The following FGGY variants were observed in gnomAD, a reference collection of about 807,000 sequenced individuals.
FGGY encodes the protein FGGY carbohydrate kinase domain containing.
A neutral mutation model predicts 71.3 loss-of-function variants in FGGY; 72 were observed. The ratio of observed to expected loss-of-function variants is 1.01; its 90% CI spans 0.84 to 1.23. The LOEUF (loss-of-function observed/expected upper bound fraction) is 1.23. Ranked by LOEUF, FGGY falls within the 50% of genes most tolerant of loss-of-function variation. The pLI is 0.00. For synonymous variants in FGGY, 251 were observed against 250.3 expected (o/e 1.00, Z -0.02); for missense variants, 668 against 682.3 (o/e 0.98, Z 0.23).
intron 6 of FGGY, among the ~76,000 whole-genome samples, chr1:59,484,287 T>C (rs1310175952): frequency 1.3e-5 from 2 of 152,148 alleles, no homozygotes; most frequent in Non-Finnish European, 2.9e-5. Flanking sequence ...GGCTTCCTGG[T>C]TTTCTGACTC....
At chr1:59,736,633 G>A (rs1205537742) in intron 14 of FGGY, among the ~76,000 whole-genome samples, 3 of 152,326 alleles carry the variant, frequency 2.0e-5, no homozygotes, top group Admixed American at 2.0e-4. Context: ...AGATGATTTA[G>A]GGTATCTGGC....
At chr1:59,505,249 A>C (rs1169181007) in intron 6 of FGGY, among the ~76,000 whole-genome samples, 6 of 152,234 alleles carry the variant, frequency 3.9e-5, no homozygotes, top group Admixed American at 2.6e-4. Flanking sequence ...ACTAGAAAGT[A>C]AGCTACTTGA....
At chr1:59,486,460 G>A (rs2093661605) in intron 6 of FGGY, among the ~76,000 whole-genome samples, 2 of 152,166 alleles carry the variant, frequency 1.3e-5, no homozygotes, top group South Asian at 2.1e-4. Flanking sequence ...GTTCATGTTG[G>A]TTGTGCCAGT....
chr1:59,458,391 T>C (rs2091911225), intron 6 of FGGY, among the ~76,000 whole-genome samples: 1 of 152,170 alleles, frequency 6.6e-6, no homozygotes, highest in Non-Finnish European at 1.5e-5. Context: ...GATTAAAATA[T>C]TGAGATGCTT....
intron 14 of FGGY, among the ~76,000 whole-genome samples, chr1:59,733,746 A>C (rs2098071482): frequency 6.6e-6 from 1 of 152,200 alleles, no homozygotes; most frequent in African/African-American, 2.4e-5. Context: ...GAGATCTAAA[A>C]ACAGGAGCTC....
chr1:59,410,951 C>G (rs567047519), intron 5 of FGGY, among the ~76,000 whole-genome samples: 4 of 152,254 alleles, frequency 2.6e-5, no homozygotes, highest in African/African-American at 9.6e-5. Context: ...TCTTCCCATC[C>G]CAACTTCTTT....
chr1:59,593,735 T>A (rs2096485739), intron 8 of FGGY, among the ~76,000 whole-genome samples: 1 of 152,218 alleles, frequency 6.6e-6, no homozygotes, highest in South Asian at 2.1e-4. Flanking sequence ...GCATTAACTG[T>A]TAGATATCCC....
chr1:59,620,311 A>T (rs914851324), intron 9 of FGGY, among the ~76,000 whole-genome samples: 1 of 151,954 alleles, frequency 6.6e-6, no homozygotes, highest in Admixed American at 6.6e-5. Flanking sequence ...CCTCCAAAAT[A>T]TGTTGCCAAT....
intron 14 of FGGY, among the ~76,000 whole-genome samples, chr1:59,744,324 G>A (rs992607154): frequency 1.3e-5 from 2 of 152,150 alleles, no homozygotes; most frequent in African/African-American, 4.8e-5. Context: ...GGATTCAAGC[G>A]ATTCTCCTGC....
At chr1:59,422,687 G>T (rs1488173034) in intron 5 of FGGY, among the ~76,000 whole-genome samples, 1 of 145,476 alleles carries the variant, frequency 6.9e-6, no homozygotes, top group Non-Finnish European at 1.5e-5. Context: ...GCGAGACCCT[G>T]TCTCAAAGGA....
At chr1:59,481,926 C>T (rs2093486889) in intron 6 of FGGY, among the ~76,000 whole-genome samples, 2 of 151,998 alleles carry the variant, frequency 1.3e-5, no homozygotes, top group Admixed American at 6.6e-5. Flanking sequence ...TTATAAAAAC[C>T]GACATGAAAA....
At chr1:59,515,908 G>A (rs140168169) in intron 7 of FGGY, among the ~76,000 whole-genome samples, 19 of 152,236 alleles carry the variant, frequency 1.2e-4, no homozygotes, top group African/African-American at 4.3e-4. Context: ...TTTGTTAGTG[G>A]AAAGATAGAA....
intron 7 of FGGY, among the ~76,000 whole-genome samples, chr1:59,541,515 T>C (rs999648885): frequency 6.6e-6 from 1 of 151,842 alleles, no homozygotes; most frequent in Non-Finnish European, 1.5e-5. Context: ...CTGAAGGGAG[T>C]CTGGGGAGTT....
intron 7 of FGGY, among the ~76,000 whole-genome samples, chr1:59,528,413 G>A (rs148406777): frequency 2.6e-5 from 4 of 152,314 alleles, no homozygotes; most frequent in Non-Finnish European, 5.9e-5. Flanking sequence ...TGAACAGAGA[G>A]AACCTTGGTC....
chr1:59,418,431 A>G (rs2064843568), intron 5 of FGGY, among the ~76,000 whole-genome samples: 2 of 152,118 alleles, frequency 1.3e-5, no homozygotes, highest in South Asian at 4.1e-4. Flanking sequence ...TGTTTTGTCC[A>G]AAGAGGATTG....
intron 14 of FGGY, among the ~76,000 whole-genome samples, chr1:59,689,126 T>C (rs1432987846): frequency 6.6e-6 from 1 of 152,060 alleles, no homozygotes; most frequent in Non-Finnish European, 1.5e-5. Flanking sequence ...GTTAGAGAAG[T>C]ATATATAAAG....
At chr1:59,641,605 A>C (rs749035099) in intron 11 of FGGY, among the ~76,000 whole-genome samples, 2 of 152,186 alleles carry the variant, frequency 1.3e-5, no homozygotes, top group Non-Finnish European at 2.9e-5. Context: ...CTGACTTTGA[A>C]ATTGTTTTTA....
intron 8 of FGGY, among the ~76,000 whole-genome samples, chr1:59,598,677 T>A (rs1000816807): frequency 1.3e-5 from 2 of 152,212 alleles, no homozygotes; most frequent in African/African-American, 4.8e-5. Flanking sequence ...AGGCAAACTC[T>A]ATGAGAACAC....
chr1:59,297,804 CAG>C (rs1275745510), intron 1 of FGGY, among the ~76,000 whole-genome samples: 5 of 144,238 alleles, frequency 3.5e-5, no homozygotes, highest in African/African-American at 1.0e-4. Flanking sequence ...GCCTGGGGGA[CAG>C]AGCGTCTCAG....
Sources: gnomAD v4.1 joint callset for allele counts (sites outside exome capture counted in the v4.1 genomes callset) on GRCh38, gnomAD v4.1.1 for gene constraint, MANE v1.5 for transcripts, NCBI Gene and HGNC (gene_info 2026-07-23, HGNC 2026-07-21) for gene names.